The following DSCAM variants were observed in gnomAD, a reference collection of about 807,000 sequenced individuals.
DSCAM encodes cell adhesion molecule DSCAM.
Under a neutral mutation model 217.7 loss-of-function variants are expected in DSCAM, and 47 were observed. That is an observed-to-expected ratio of 0.22 (90% CI 0.17 to 0.28). The LOEUF is 0.28. Among genes scored for constraint, DSCAM ranks in the 10% least tolerant of loss-of-function variants. The pLI is 1.00. For synonymous variants in DSCAM, 1,056 were observed against 1,015.3 expected (o/e 1.04, Z -0.76); for missense variants, 2,080 against 2,618.3 (o/e 0.79, Z 4.49).
chr21:40,615,778 G>A (rs975570825), intron 3 of DSCAM, among the ~76,000 whole-genome samples: 6 of 152,044 alleles, frequency 3.9e-5, no homozygotes, highest in African/African-American at 4.8e-5. Context: ...ATCAACAAAC[G>A]TCAAAAATGT....
intron 3 of DSCAM, among the ~76,000 whole-genome samples, chr21:40,467,053 A>G (rs1180347748): frequency 2.0e-5 from 3 of 152,216 alleles, no homozygotes; most frequent in Non-Finnish European, 4.4e-5. Context: ...ACATAAGCCA[A>G]AGATGTATGT....
At chr21:40,529,288 C>T (rs1045418147) in intron 3 of DSCAM, among the ~76,000 whole-genome samples, 2 of 152,146 alleles carry the variant, frequency 1.3e-5, no homozygotes, top group African/African-American at 2.4e-5. Flanking sequence ...GATCACTGTG[C>T]TCTCCAGTGC....
chr21:40,563,728 TTA>T lies in DSCAM; in HGVS notation c.508+129080_508+129081del, dbSNP rs1381610142. On this transcript the variant is annotated intron_variant, in intron 3 of 32. Transcript: ENST00000400454. ...TGTATATAGTTATGTTTATATATGT[TTA>T]TATGTTTATATATAGTTATATGTTT... 5.4e-4 allele frequency among the ~76,000 whole-genome samples: 80 copies of T among 147,270 alleles called. 1 individual carries two copies. The South Asian group carries it at 8.6e-3, about 16-fold the overall frequency.
intron 3 of DSCAM, among the ~76,000 whole-genome samples, chr21:40,683,207 C>A (rs2090434038): frequency 6.6e-6 from 1 of 152,134 alleles, no homozygotes; most frequent in Non-Finnish European, 1.5e-5. Flanking sequence ...CAGGAACCAA[C>A]AGAGGAAGTA....
chr21:40,521,307 C>T (rs2076356779), intron 3 of DSCAM, among the ~76,000 whole-genome samples: 1 of 152,196 alleles, frequency 6.6e-6, no homozygotes, highest in Non-Finnish European at 1.5e-5. Flanking sequence ...GGTAGGTCCA[C>T]TTTTAGTTTT....
intron 14 of DSCAM, among the ~76,000 whole-genome samples, chr21:40,185,447 C>T (rs73364122): frequency 0.072 from 10,901 of 152,182 alleles, 1,237 homozygotes; most frequent in African/African-American, 0.24. Context: ...CCAGGCCTGC[C>T]ACCAGCATCC....
intron 1 of DSCAM, among the ~76,000 whole-genome samples, chr21:40,801,018 C>G (rs1265036959): frequency 6.8e-6 from 1 of 146,386 alleles, no homozygotes; most frequent in Non-Finnish European, 1.5e-5. Context: ...GTGGCTTGAT[C>G]TTGGCTCACT....
chr21:40,185,556 C>T (rs577429306), intron 14 of DSCAM, among the ~76,000 whole-genome samples: 1 of 152,212 alleles, frequency 6.6e-6, no homozygotes, highest in Admixed American at 6.5e-5. Flanking sequence ...GGGCAGCCTG[C>T]AGCCCCATAG....
intron 10 of DSCAM, among the ~76,000 whole-genome samples, chr21:40,288,845 A>T (rs1381980152): frequency 6.6e-6 from 1 of 152,152 alleles, no homozygotes; most frequent in Non-Finnish European, 1.5e-5. Context: ...TATCTGTTTC[A>T]GCTGCAAGGA....
intron 3 of DSCAM, among the ~76,000 whole-genome samples, chr21:40,518,120 C>A (rs546081323): frequency 2.0e-5 from 3 of 150,908 alleles, no homozygotes; most frequent in Non-Finnish European, 4.4e-5. Context: ...TATTAGTGAA[C>A]CTCGATACTG....
chr21:40,230,438 G>T (rs942234433), intron 11 of DSCAM, among the ~76,000 whole-genome samples: 10 of 152,142 alleles, frequency 6.6e-5, no homozygotes, highest in African/African-American at 2.4e-4. Flanking sequence ...AATTTTATCT[G>T]AATAATCAAA....
intron 11 of DSCAM, among the ~76,000 whole-genome samples, chr21:40,268,897 G>A (rs937775484): frequency 6.6e-6 from 1 of 152,140 alleles, no homozygotes; most frequent in Admixed American, 6.5e-5. Context: ...GCTCCCTGCT[G>A]TAAGCCACCA....
intron 3 of DSCAM, among the ~76,000 whole-genome samples, chr21:40,613,516 T>C (rs2089344775): frequency 6.6e-6 from 1 of 152,194 alleles, no homozygotes; most frequent in Non-Finnish European, 1.5e-5. Context: ...TTCTCAGAAG[T>C]CTCTAAGAAA....
chr21:40,650,784 T>G (rs1812236), intron 3 of DSCAM, among the ~76,000 whole-genome samples: 12,125 of 152,166 alleles, frequency 0.08, 612 homozygotes, highest in Middle Eastern at 0.16. Flanking sequence ...CGTGGTGGTG[T>G]GCGCCTTTAG....
rs186442866 is a variant in DSCAM at position 40,791,317 on chromosome 21, G to A, written c.43+55302C>T. 3.0e-3 allele frequency among the ~76,000 whole-genome samples: 448 copies of A among 151,738 alleles called. 2 individuals are homozygous for A. Among genetic ancestry groups the A allele is most frequent in the Admixed American group, 0.011 (161 of 15,232 alleles). Reference sequence around the variant, plus strand: ...AAAGCGTGCAACACTGACAATATCCGCTTACGTTGGCTTAGTATTGCTATT... The same window carrying A: ...AAAGCGTGCAACACTGACAATATCCACTTACGTTGGCTTAGTATTGCTATT... On this transcript the variant is annotated intron_variant, in intron 1 of 32. Transcript: ENST00000400454.
intron 3 of DSCAM, among the ~76,000 whole-genome samples, chr21:40,633,380 G>T (rs539174562): frequency 6.6e-6 from 1 of 152,166 alleles, no homozygotes; most frequent in African/African-American, 2.4e-5. Context: ...CTCTGCAAGA[G>T]CAGGGACCCA....
At chr21:40,532,539 G>A (rs2076455513) in intron 3 of DSCAM, among the ~76,000 whole-genome samples, 1 of 152,192 alleles carries the variant, frequency 6.6e-6, no homozygotes, top group Non-Finnish European at 1.5e-5. Context: ...GGTCAGAAAT[G>A]TCTCATGCAG....
intron 3 of DSCAM, among the ~76,000 whole-genome samples, chr21:40,430,689 G>C (rs2075522302): frequency 6.6e-6 from 1 of 152,198 alleles, no homozygotes; most frequent in Non-Finnish European, 1.5e-5. Context: ...CAACAGTGAA[G>C]AGTGGTTTTC....
chr21:40,608,787 CTT>C (rs1383534481), intron 3 of DSCAM, among the ~76,000 whole-genome samples: 2 of 152,156 alleles, frequency 1.3e-5, no homozygotes, highest in Non-Finnish European at 2.9e-5. Flanking sequence ...TTGCAATACT[CTT>C]AAAGGATACA....
Sources: gnomAD v4.1 joint callset for allele counts (sites outside exome capture counted in the v4.1 genomes callset) on GRCh38, gnomAD v4.1.1 for gene constraint, MANE v1.5 for transcripts, NCBI Gene and HGNC (gene_info 2026-07-23, HGNC 2026-07-21) for gene names.